Variants in UBR3 observed in about 807,000 individuals in gnomAD.
UBR3 encodes E3 ubiquitin-protein ligase UBR3.
A neutral mutation model predicts 243.2 loss-of-function variants in UBR3; 85 were observed. That is an observed-to-expected ratio of 0.35 (90% CI 0.29 to 0.42). The LOEUF is 0.42. UBR3 is among the 10% of genes least tolerant of loss of function. UBR3 has a pLI of 1.00. For missense variants in UBR3, 1,686 were observed against 2,300.8 expected (o/e 0.73, Z 5.47); for synonymous variants, 748 against 799.8 (o/e 0.94, Z 1.09).
At chr2:169,917,692 G>GTTAT (rs565857661) in intron 11 of UBR3, among the ~76,000 whole-genome samples, 109 of 152,058 alleles carry the variant, frequency 7.2e-4, no homozygotes, top group African/African-American at 2.5e-3. Context: ...CAAATAATAT[G>GTTAT]TTATTTATTT....
At chr2:169,926,807 A>T in intron 15 of UBR3, 31 bp from the exon 16 acceptor site, 2 of 1,544,960 alleles carry the variant, frequency 1.3e-6, no homozygotes, top group Non-Finnish European at 1.7e-6. Context: ...TTTAATTTAT[A>T]AAAATATGTT....
At position 170,083,202 on chromosome 2, in the gene UBR3, A is replaced by C. The variant is rs1411174810; in HGVS notation, c.*1359A>C. ...TAAAATATGTCAGATCCATGTTCTA[A>C]AAAATTTTTGTAATGACATGACATT... On this transcript the variant is annotated 3_prime_UTR_variant, in exon 39 of 39. Coordinates refer to ENST00000272793, the MANE Select transcript of UBR3 (RefSeq NM_172070.4). 2 of 151,668 alleles carry C rather than the reference A, an allele frequency of 1.3e-5. No individual in the cohort carries two copies. Among genetic ancestry groups the C allele is most frequent in the Non-Finnish European group, 3.0e-5 (2 of 67,768 alleles). 9.4% of individuals were successfully genotyped at this position (151,668 alleles called of 1,614,324 possible).
intron 6 of UBR3, among the ~76,000 whole-genome samples, chr2:169,893,148 A>G (rs1326983850): frequency 6.6e-6 from 1 of 152,202 alleles, no homozygotes; most frequent in Non-Finnish European, 1.5e-5. Flanking sequence ...GACATCACCT[A>G]TTTTAAGAAC....
rs529086193 is a variant in UBR3, at chr2:170,082,001, C to T, written c.*158C>T. On this transcript the variant is annotated 3_prime_UTR_variant, in exon 39 of 39. Coordinates refer to ENST00000272793, the MANE Select transcript of UBR3 (RefSeq NM_172070.4). ...TCCAAAATTAGGTGCTTGGTAATCA[C>T]GTTAATGGTATAATTTTTTTTTTTT... 3.3e-5 allele frequency: 15 copies of T among 449,802 alleles called. No individual in the cohort carries two copies. Among genetic ancestry groups the T allele is most frequent in the East Asian group, 1.4e-4 (4 of 28,508 alleles). 27.9% of individuals were successfully genotyped at this position (449,802 alleles called of 1,614,324 possible).
chr2:169,949,496 T>G (rs1321665447), intron 22 of UBR3, 109 bp from the exon 23 acceptor site: 3 of 1,008,130 alleles, frequency 3.0e-6, no homozygotes, highest in Non-Finnish European at 4.2e-6. Context: ...TGAATAAATC[T>G]TTGTATGAAA....
chr2:169,926,210 A>C (rs1426996078), intron 14 of UBR3, among the ~76,000 whole-genome samples: 1 of 152,228 alleles, frequency 6.6e-6, no homozygotes, highest in Non-Finnish European at 1.5e-5. Context: ...TAGTATGTTC[A>C]GGAATTAACT....
intron 33 of UBR3, among the ~76,000 whole-genome samples, chr2:170,058,858 G>A (rs185902062): frequency 6.6e-6 from 1 of 152,204 alleles, no homozygotes; most frequent in East Asian, 1.9e-4. Context: ...AGGTTTTGTT[G>A]TTTTGTTTGC....
chr2:169,866,272 GCAAAAAAA>G (rs2083261006), intron 1 of UBR3, among the ~76,000 whole-genome samples: 1 of 97,042 alleles, frequency 1.0e-5, no homozygotes, highest in Non-Finnish European at 2.1e-5. Context: ...AAAAAAAAAA[GCAAAAAAA>G]GCTTTTATGG....
At chr2:169,853,256 A>C (rs141212806) in intron 1 of UBR3, among the ~76,000 whole-genome samples, 276 of 152,300 alleles carry the variant, frequency 1.8e-3, no homozygotes, top group African/African-American at 6.3e-3. Context: ...GAGGCAGACA[A>C]TTATTTAGAA....
chr2:169,880,764 G>A (rs781023737), intron 5 of UBR3, among the ~76,000 whole-genome samples: 1 of 151,782 alleles, frequency 6.6e-6, no homozygotes, highest in South Asian at 2.1e-4. Context: ...TCTGTTTCCC[G>A]CCTCCATCCT....
At chr2:169,987,654 A>G (rs1297271185) in intron 25 of UBR3, among the ~76,000 whole-genome samples, 1 of 151,876 alleles carries the variant, frequency 6.6e-6, no homozygotes, top group Non-Finnish European at 1.5e-5. Flanking sequence ...ATAATGAAGT[A>G]TTTTTGAGGG....
intron 1 of UBR3, among the ~76,000 whole-genome samples, chr2:169,850,171 C>CTTTTTT (rs56133731): frequency 3.5e-5 from 2 of 57,274 alleles, no homozygotes; most frequent in Non-Finnish European, 6.2e-5. Context: ...TGTTCTAGAG[C>CTTTTTT]TTTTTTTTTT....
intron 19 of UBR3, among the ~76,000 whole-genome samples, chr2:169,938,365 T>C (rs1439462722): frequency 2.0e-5 from 3 of 151,508 alleles, no homozygotes. Context: ...CCCAGGCTCA[T>C]GTGGTCCTGA....
chr2:169,942,162 C>T (rs1357602775), intron 19 of UBR3, among the ~76,000 whole-genome samples: 1 of 152,114 alleles, frequency 6.6e-6, no homozygotes, highest in Non-Finnish European at 1.5e-5. Flanking sequence ...ATTTTCAGGT[C>T]GTCTATTTTG....
chr2:170,007,498 C>T (rs1255238750), intron 28 of UBR3, among the ~76,000 whole-genome samples: 1 of 152,072 alleles, frequency 6.6e-6, no homozygotes, highest in East Asian at 1.9e-4. Context: ...TGGCTCACAC[C>T]TGTAATCCCA....
chr2:170,053,045 C>T (rs1171090777), intron 32 of UBR3, among the ~76,000 whole-genome samples: 2 of 152,068 alleles, frequency 1.3e-5, no homozygotes, highest in African/African-American at 4.8e-5. Flanking sequence ...AAGTAGATTG[C>T]AGGGGGCTGA....
intron 1 of UBR3, among the ~76,000 whole-genome samples, chr2:169,869,135 G>T (rs1435105894): frequency 6.8e-6 from 1 of 147,064 alleles, no homozygotes; most frequent in Non-Finnish European, 1.5e-5. Context: ...TTCATAAATG[G>T]TGTTGTGTGC....
intron 22 of UBR3, among the ~76,000 whole-genome samples, chr2:169,948,348 C>T (rs73017605): frequency 0.044 from 6,614 of 151,402 alleles, 165 homozygotes; most frequent in Middle Eastern, 0.068. Flanking sequence ...TTTTTTGCTT[C>T]TATGGCAATT....
intron 30 of UBR3, among the ~76,000 whole-genome samples, chr2:170,019,599 C>A (rs1012198896): frequency 6.6e-6 from 1 of 151,888 alleles, no homozygotes; most frequent in Admixed American, 6.6e-5. Context: ...GTGGGAGGAT[C>A]GCTTAAGCCC....
Sources: gnomAD v4.1 joint callset for allele counts (sites outside exome capture counted in the v4.1 genomes callset) on GRCh38, gnomAD v4.1.1 for gene constraint, MANE v1.5 for transcripts, NCBI Gene and HGNC (gene_info 2026-07-23, HGNC 2026-07-21) for gene names.